Variants in NEB observed in about 807,000 individuals in gnomAD.
The protein encoded by NEB is nebulin, also known as nemaline myopathy type 2.
NEB carries 512 observed loss-of-function variants against 952.2 expected under a neutral mutation model. The observed-to-expected ratio is 0.54, with a 90% confidence interval of 0.50 to 0.58. The LOEUF (loss-of-function observed/expected upper bound fraction) is 0.58, where lower values mean the gene tolerates loss of function less well. Ranked by LOEUF, NEB falls within the 20% of genes least tolerant of loss-of-function variation. The probability of loss-of-function intolerance (pLI) is 0.00; values close to 1 mark genes in which losing one functional copy is unlikely to be tolerated. For synonymous variants in NEB, 2,900 were observed against 3,149.8 expected (o/e 0.92, Z 2.66); for missense variants, 8,428 against 9,231.1 (o/e 0.91, Z 3.56).
At position 151,497,618 on chromosome 2, in the gene NEB, C is replaced by CAAAGT. The variant is rs2061144960; in HGVS notation, c.24300+3_24300+7dup. Reference sequence around the variant, plus strand: ...ATAAGTAGTTTTTTTCTTTTCTTGCCAAAGTACCGAGCTAATATTTTCTTG... The same window carrying CAAAGT: ...ATAAGTAGTTTTTTTCTTTTCTTGCCAAAGTAAAGTACCGAGCTAATATTTTCTTG... On this transcript the variant is annotated splice_region_variant and intron_variant, in intron 171 of 181. Coordinates refer to ENST00000397345, the MANE Select transcript of NEB (RefSeq NM_001164508.2). 1.9e-6 allele frequency: 3 copies of CAAAGT among 1,562,832 alleles called. No homozygotes were observed. The highest frequency in any genetic ancestry group is 1.2e-5 in the South Asian group (1 of 84,168).
In NEB at chr2:151,485,889, A is replaced by T; in HGVS notation, c.25449T>A (p.Asp8483Glu). The change falls in exon 182 of 182, where the codon GAT becomes GAA. Residue 8483 changes from aspartate to glutamate, a missense_variant. By Grantham distance (45) the Asp-to-Glu change is conservative. This residue lies in a region of NEB where 3,374 missense variants were observed against 3,651.5 expected (regional missense o/e 0.92). Transcript: ENST00000397345. The stretch of plus-strand genomic sequence containing the variant: ...CATCTCCATCCTTGAAGGACACCTC[A>T]TCTGCATCAGCAGCCATATAGTCAT... The part of the protein sequence containing the change: ...AMYDYMAADA[D>E]EVSFKDGDAI... 6.2e-7 allele frequency: 1 copy of T among 1,613,972 alleles called. No homozygotes were observed. The highest frequency in any genetic ancestry group is 8.5e-7 in the Non-Finnish European group (1 of 1,179,858).
chr2:151,694,247 C>T (rs1218723414), intron 20 of NEB, 76 bp downstream of exon 20: 12 of 1,211,630 alleles, frequency 9.9e-6, no homozygotes, highest in East Asian at 4.7e-5. Flanking sequence ...GTTAGGCTAA[C>T]GTCCATCCAA....
intron 52 of NEB, among the ~76,000 whole-genome samples, chr2:151,651,879 T>C (rs1332441794): frequency 6.6e-6 from 1 of 152,198 alleles, no homozygotes; most frequent in African/African-American, 2.4e-5. Flanking sequence ...ATAGATTTTG[T>C]ATGGGGCACA....
rs755734109 is a variant in NEB, at chr2:151,565,791, G to T, written c.18186C>A (p.Leu6062=). The T allele has an allele frequency of 3.1e-6, 5 of 1,611,784 alleles. No homozygotes were observed. The South Asian group carries it at 5.5e-5, about 18-fold the overall frequency. ...CCAGTGGGATCCAGCCAATGCCTCG[G>T]AGCCACTCCAGGTCAGCTCTGTAGA... ...DNVYRADLEW[L]RGIGWIPLDS... is the part of the protein sequence containing the mutation. The change falls in exon 115 of 182, where the codon CTC becomes CTA. Residue 6062 remains leucine (L), a synonymous_variant. Coordinates refer to ENST00000397345, the MANE Select transcript of NEB (RefSeq NM_001164508.2).
rs542731924 is a variant in NEB at position 151,508,176 on chromosome 2, A to G, written c.23347-67T>C. ...GGGATATAGGCCAATGGGACCTAAAATAGGCTATTTTAGCCCTTCCAGGCT... is the reference window on the plus strand; with the variant it reads ...GGGATATAGGCCAATGGGACCTAAAGTAGGCTATTTTAGCCCTTCCAGGCT... On this transcript the variant is annotated intron_variant, in intron 161 of 181. Coordinates refer to ENST00000397345, the MANE Select transcript of NEB (RefSeq NM_001164508.2). 9 of 1,103,944 alleles carry G rather than the reference A, an allele frequency of 8.2e-6. No individual in the cohort carries two copies. The South Asian group carries it at 1.3e-4, about 16-fold the overall frequency. The allele number at this position is 1,103,944 out of a possible 1,614,324, so 68.4% of individuals were successfully genotyped here. A position where few individuals can be genotyped will look rare whatever the true frequency, so the allele number is the denominator to read the frequency against.
chr2:151,510,457 T>C (rs529974373), intron 161 of NEB, among the ~76,000 whole-genome samples: 1 of 152,366 alleles, frequency 6.6e-6, no homozygotes, highest in South Asian at 2.1e-4. Context: ...AGACCTGGCC[T>C]GCCATACTGG....
intron 6 of NEB, 30 bp downstream of exon 6, chr2:151,725,423 C>A: frequency 6.4e-7 from 1 of 1,552,230 alleles, no homozygotes; most frequent in East Asian, 2.3e-5. Flanking sequence ...TTGAAATGTC[C>A]CTCTCCTTTA....
intron 81 of NEB, among the ~76,000 whole-genome samples, chr2:151,609,433 CATAAT>C (rs1484106337): frequency 6.6e-6 from 1 of 151,792 alleles, no homozygotes; most frequent in Non-Finnish European, 1.5e-5. Flanking sequence ...AGCTGAATTC[CATAAT>C]ATAATTATTT....
intron 29 of NEB, among the ~76,000 whole-genome samples, chr2:151,681,558 C>T (rs1349202591): frequency 6.6e-6 from 1 of 152,182 alleles, no homozygotes; most frequent in East Asian, 1.9e-4. Flanking sequence ...ACCACTAACC[C>T]AGAACTTTCT....
intron 3 of NEB, 139 bp downstream of exon 3, chr2:151,732,982 C>T: frequency 1.5e-6 from 1 of 665,708 alleles, no homozygotes; most frequent in Non-Finnish European, 2.4e-6. Flanking sequence ...ATAAAATATT[C>T]CTTTCTTATG....
At chr2:151,657,922 G>A in intron 48 of NEB, 61 bp downstream of exon 48, 2 of 1,165,764 alleles carry the variant, frequency 1.7e-6, no homozygotes, top group East Asian at 2.5e-5. Flanking sequence ...CCAGAACTCA[G>A]CCCTTATTAT....
chr2:151,496,424 A>G, intron 172 of NEB, 56 bp from the exon 173 acceptor site: 1 of 1,544,620 alleles, frequency 6.5e-7, no homozygotes, highest in Non-Finnish European at 8.8e-7. Flanking sequence ...TCATTTGTTG[A>G]GAGGTTTTAA....
rs759205280 is a variant in NEB at position 151,508,140 on chromosome 2, T to TAAAC, written c.23347-35_23347-32dup. The TAAAC allele has an allele frequency of 3.0e-5, 44 of 1,490,578 alleles. No homozygotes were observed. In the East Asian group the frequency reaches 9.3e-4, roughly 31 times the overall value. 92.3% of individuals were successfully genotyped at this position (1,490,578 alleles called of 1,614,324 possible). ...AATAGATTCCAAGAAATAAGGAGGGTAAACACCACAGGGATATAGGCCAAT... is the reference window on the plus strand; with the variant it reads ...AATAGATTCCAAGAAATAAGGAGGGTAAACAAACACCACAGGGATATAGGCCAAT... On this transcript the variant is annotated intron_variant, in intron 161 of 181. Transcript: ENST00000397345.
intron 9 of NEB, among the ~76,000 whole-genome samples, chr2:151,720,610 G>C (rs556253692): frequency 6.6e-6 from 1 of 152,254 alleles, no homozygotes; most frequent in Admixed American, 6.5e-5. Context: ...GCATTAGAAT[G>C]GTATGAAGGT....
At chr2:151,715,228 CAT>C (rs1259166608) in intron 10 of NEB, among the ~76,000 whole-genome samples, 11 of 152,168 alleles carry the variant, frequency 7.2e-5, no homozygotes, top group East Asian at 1.9e-4. Flanking sequence ...TAGAAGGAAA[CAT>C]GTGGGAAATA....
At chr2:151,519,317 T>C (rs906201137) in intron 154 of NEB, among the ~76,000 whole-genome samples, 1 of 152,216 alleles carries the variant, frequency 6.6e-6, no homozygotes, top group African/African-American at 2.4e-5. Context: ...AGTTCTGATA[T>C]ATCCTACAAC....
In NEB at chr2:151,547,447, C is replaced by T; in HGVS notation, c.20349G>A (p.Val6783=). The T allele has an allele frequency of 6.2e-7, 1 of 1,601,706 alleles. No homozygotes were observed. Among genetic ancestry groups the T allele is most frequent in the Non-Finnish European group, 8.5e-7 (1 of 1,173,996 alleles). ...TGCTTACATCACTGGTGATGTCTCC[C>T]ACATAGCGGCAATGGATCACTTGGG... is the stretch of plus-strand genomic sequence containing the variant. ...YTPQVIHCRY[V]GDITSDIKYK... is the part of the protein sequence containing the mutation. Residue 6783 remains valine (V), a synonymous_variant, in exon 133 of 182, where the codon GTG becomes GTA. Coordinates refer to ENST00000397345, the MANE Select transcript of NEB (RefSeq NM_001164508.2).
chr2:151,490,251 TC>T, intron 180 of NEB, 120 bp downstream of exon 180: 1 of 1,313,370 alleles, frequency 7.6e-7, no homozygotes. Flanking sequence ...TCTAGTCTTT[TC>T]TCATTAAAGG....
chr2:151,521,374 C>T (rs1221734561), intron 153 of NEB, among the ~76,000 whole-genome samples: 2 of 152,146 alleles, frequency 1.3e-5, no homozygotes, highest in Non-Finnish European at 2.9e-5. Context: ...ACAAATGCTA[C>T]AATGGCTCTT....
Sources: gnomAD v4.1 joint callset for allele counts (sites outside exome capture counted in the v4.1 genomes callset) on GRCh38, gnomAD v4.1.1 for gene constraint, gnomAD v4.1.1 regional missense constraint, MANE v1.5 for transcripts, NCBI Gene and HGNC (gene_info 2026-07-23, HGNC 2026-07-21) for gene names.